The following MYH10 variants were observed in gnomAD, a reference collection of about 807,000 sequenced individuals.
MYH10 encodes myosin heavy chain 10, also known as myosin-10.
A neutral mutation model predicts 257.8 loss-of-function variants in MYH10; 55 were observed. The observed-to-expected ratio is 0.21, with a 90% CI of 0.17 to 0.27. The LOEUF (loss-of-function observed/expected upper bound fraction) is 0.27, where lower values mean the gene tolerates loss of function less well. Among genes scored for constraint, MYH10 ranks in the 10% least tolerant of loss-of-function variants. The pLI is 1.00. For synonymous variants in MYH10, 854 were observed against 921.7 expected (o/e 0.93, Z 1.33); for missense variants, 1,631 against 2,500.6 (o/e 0.65, Z 7.42).
At chr17:8,555,473 T>C (rs2082762944) in intron 7 of MYH10, among the ~76,000 whole-genome samples, 1 of 152,188 alleles carries the variant, frequency 6.6e-6, no homozygotes, top group African/African-American at 2.4e-5. Flanking sequence ...AGTCCAGGAA[T>C]TGATCATGTA....
chr17:8,480,912 C>T (rs77150753), intron 38 of MYH10, among the ~76,000 whole-genome samples: 163 of 5,680 alleles, frequency 0.029, 1 homozygote, highest in African/African-American at 0.047. Flanking sequence ...ATTCTAACTA[C>T]TCATGATGGC....
intron 40 of MYH10, among the ~76,000 whole-genome samples, chr17:8,479,752 G>T (rs142286491): frequency 1.3e-5 from 2 of 152,338 alleles, no homozygotes; most frequent in Non-Finnish European, 2.9e-5. Flanking sequence ...GAGAAGAAAG[G>T]CTCTGATTTG....
chr17:8,481,393 C>G lies in MYH10; in HGVS notation c.5193G>C (p.Glu1731Asp). The G allele has an allele frequency of 6.2e-7, 1 of 1,614,104 alleles. No homozygotes were observed. Among genetic ancestry groups the G allele is most frequent in the Non-Finnish European group, 8.5e-7 (1 of 1,180,030 alleles). Residue 1731 changes from glutamate to aspartate, a missense_variant, in exon 38 of 43, where the codon GAG becomes GAC. This residue lies in a region of MYH10 where 343 missense variants were observed against 389.5 expected (regional missense o/e 0.88). Transcript: ENST00000360416. ...LQLQEELASS[E>D]RARRHAEQER... The stretch of plus-strand genomic sequence containing the variant: ...CCTGCTCGGCGTGTCGGCGGGCTCG[C>G]TCAGATGAGGCAAGTTCCTAAGCAG...
intron 2 of MYH10, among the ~76,000 whole-genome samples, chr17:8,608,745 C>T (rs910909594): frequency 2.0e-5 from 3 of 152,208 alleles, no homozygotes; most frequent in Non-Finnish European, 2.9e-5. Flanking sequence ...TTTATGCCTC[C>T]AGGCTCCCAC....
At chr17:8,508,881 T>G (rs1012822007) in intron 25 of MYH10, among the ~76,000 whole-genome samples, 1 of 152,212 alleles carries the variant, frequency 6.6e-6, no homozygotes, top group Non-Finnish European at 1.5e-5. Flanking sequence ...TCTCCTAAGA[T>G]GATCATGGAG....
chr17:8,585,479 A>T (rs2083884900), intron 4 of MYH10, among the ~76,000 whole-genome samples: 1 of 151,616 alleles, frequency 6.6e-6, no homozygotes, highest in South Asian at 2.1e-4. Context: ...TGAAGACCCC[A>T]GTCACACACA....
chr17:8,565,634 A>G (rs1194714731), intron 7 of MYH10, among the ~76,000 whole-genome samples: 1 of 152,248 alleles, frequency 6.6e-6, no homozygotes, highest in Non-Finnish European at 1.5e-5. Flanking sequence ...TTTTTCTACT[A>G]AAAACAAATC....
At chr17:8,557,203 AT>A (rs1452425317) in intron 7 of MYH10, among the ~76,000 whole-genome samples, 1 of 152,180 alleles carries the variant, frequency 6.6e-6, no homozygotes, top group East Asian at 1.9e-4. Flanking sequence ...TCAATAGTTG[AT>A]TTTAAAAAAA....
At position 8,525,878 on chromosome 17, in the gene MYH10, C is replaced by A. The variant is rs370154652; in HGVS notation, c.1958-4593G>T. Among the ~76,000 whole-genome samples the A allele has an allele frequency of 2.6e-5, 4 of 152,128 alleles. No individual in the cohort carries two copies. In the East Asian group the frequency reaches 5.8e-4, roughly 22 times the overall value. On this transcript the variant is annotated intron_variant, in intron 17 of 42. Transcript: ENST00000360416. ...CACAATCTCGGCTCAGAGCAACCTC[C>A]GCCTCCTGGGTTCAAGCAATTCTCC...
At chr17:8,555,006 T>C (rs1418226592) in intron 7 of MYH10, among the ~76,000 whole-genome samples, 2 of 146,600 alleles carry the variant, frequency 1.4e-5, no homozygotes, top group South Asian at 2.1e-4. Context: ...TAAAAATATA[T>C]ATAAGGAGAA....
Position 8,533,747 on chromosome 17 carries a change from G to A in MYH10, c.1894+1640C>T, listed in dbSNP as rs530166527. 1.2e-4 allele frequency among the ~76,000 whole-genome samples: 19 copies of A among 152,222 alleles called. 1 individual carries two copies. Among genetic ancestry groups the A allele is most frequent in the African/African-American group, 4.3e-4 (18 of 41,542 alleles). On this transcript the variant is annotated intron_variant, in intron 16 of 42. Transcript: ENST00000360416. The stretch of plus-strand genomic sequence containing the variant: ...TGTTGCACACCCCTAAAAATTCACT[G>A]TACCATTCCCATGGCATTTATCACA...
intron 24 of MYH10, among the ~76,000 whole-genome samples, chr17:8,511,506 C>T (rs567122164): frequency 5.8e-4 from 89 of 152,194 alleles, no homozygotes; most frequent in African/African-American, 2.0e-3. Context: ...GGCAACAAAG[C>T]GAGACTCCGT....
chr17:8,498,517 G>A (rs1346495664), intron 30 of MYH10, among the ~76,000 whole-genome samples: 2 of 152,100 alleles, frequency 1.3e-5, no homozygotes, highest in Non-Finnish European at 2.9e-5. Context: ...ACAGTTTTAA[G>A]GCTCGTGATC....
In MYH10 at chr17:8,564,456, T is replaced by C. The variant is rs530767531; in HGVS notation, c.756+5264A>G. 3.3e-5 allele frequency among the ~76,000 whole-genome samples: 5 copies of C among 152,368 alleles called. No individual in the cohort carries two copies. The East Asian group carries it at 7.7e-4, about 23-fold the overall frequency. On this transcript the variant is annotated intron_variant, in intron 7 of 42. Transcript: ENST00000360416. ...GCCCACGGAGCAACTGCCTCCCTCA[T>C]GTTCTCTACCCTTGCTTCTAAAATG...
chr17:8,475,584 C>T lies in MYH10; in HGVS notation c.*220G>A. On this transcript the variant is annotated 3_prime_UTR_variant, in exon 43 of 43. Transcript: ENST00000360416. ...AAAATAGATGCAATGATGAAACAAT[C>T]TGTTTAATATATGTGTCCTGTGTGT... is the stretch of plus-strand genomic sequence containing the variant. 2.1e-6 allele frequency: 1 copy of T among 487,378 alleles called. No individual in the cohort carries two copies. Among genetic ancestry groups the T allele is most frequent in the East Asian group, 3.2e-5 (1 of 30,852 alleles). 30.2% of individuals were successfully genotyped at this position (487,378 alleles called of 1,614,324 possible).
At chr17:8,476,065 C>T in intron 42 of MYH10, 117 bp from the exon 43 acceptor site, 11 of 1,215,970 alleles carry the variant, frequency 9.0e-6, no homozygotes, top group South Asian at 3.0e-5. Context: ...CTCGGACACA[C>T]GACCTTGTGG....
chr17:8,475,843 G>A lies in MYH10; in HGVS notation c.5985C>T (p.Thr1995=), dbSNP rs77306726. The stretch of plus-strand genomic sequence containing the variant: ...GTGGCTGCGTCTCGTTGACATCACT[G>A]GTCTTACTTTCTGTGTCATCGTCGG... The part of the protein sequence containing the change: ...ELSDDDTESK[T]SDVNETQPPQ... Residue 1995 remains threonine, a synonymous_variant, in exon 43 of 43, where the codon ACC becomes ACT. Transcript: ENST00000360416. 658 of 1,614,180 alleles carry A rather than the reference G, an allele frequency of 4.1e-4. 4 individuals are homozygous for A. In the African/African-American group the frequency reaches 7.8e-3, roughly 19 times the overall value.
chr17:8,505,232 G>T (rs571231400), intron 27 of MYH10, among the ~76,000 whole-genome samples: 42 of 152,332 alleles, frequency 2.8e-4, no homozygotes, highest in Middle Eastern at 6.8e-3. Context: ...CATTTTCTCT[G>T]AAGTCAAAGG....
rs116599483 is a variant in MYH10, at chr17:8,560,866, A to C, written c.757-6848T>G. The C allele has an allele frequency of 8.8e-4, 480 of 548,516 alleles. 4 individuals carry two copies. The highest frequency in any genetic ancestry group is 8.0e-3 in the African/African-American group (428 of 53,332). 34.0% of individuals were successfully genotyped at this position (548,516 alleles called of 1,614,324 possible). ...CAAGCACAAGGTCTTTGGCAAAGTG[A>C]GAAGAGGGAGTGAATATCATGGAAG... On this transcript the variant is annotated intron_variant, in intron 7 of 42. Transcript: ENST00000360416.
Sources: gnomAD v4.1 joint callset for allele counts (sites outside exome capture counted in the v4.1 genomes callset) on GRCh38, gnomAD v4.1.1 for gene constraint, gnomAD v4.1.1 regional missense constraint, MANE v1.5 for transcripts, NCBI Gene and HGNC (gene_info 2026-07-23, HGNC 2026-07-21) for gene names.